The following KLF16 variants were observed in gnomAD, a reference collection of about 807,000 sequenced individuals.
The protein encoded by KLF16 is KLF transcription factor 16.
Under a neutral mutation model 6.1 loss-of-function variants are expected in KLF16, and 6 were observed. That is an observed-to-expected ratio of 0.98 (90% CI 0.54 to 1.93). The LOEUF is 1.93. Ranked by LOEUF, KLF16 falls within the 30% of genes most tolerant of loss-of-function variation. The probability of loss-of-function intolerance (pLI) is 0.01; values close to 1 mark genes in which losing one functional copy is unlikely to be tolerated. For missense variants in KLF16, 355 were observed against 363.8 expected (o/e 0.98, Z 0.20); for synonymous variants, 211 against 176.5 (o/e 1.20, Z -1.55).
Position 1,854,448 on chromosome 19 carries a change from G to T in KLF16, c.*11C>A. On this transcript the variant is annotated 3_prime_UTR_variant, in exon 2 of 2. Transcript: ENST00000250916. ...AGCATCCTGGCGGTCAGGGTGGGCT[G>T]CACGAGGGCCCTACAGGCCTGCGGG... 1 of 1,398,146 alleles carries T rather than the reference G, an allele frequency of 7.2e-7. No homozygotes were observed. 86.6% of individuals were successfully genotyped at this position (1,398,146 alleles called of 1,614,324 possible). A position where few individuals can be genotyped will look rare whatever the true frequency, so the allele number is the denominator to read the frequency against.
At chr19:1,873,858 C>T in the KLF16 span, among the ~76,000 whole-genome samples, 1 of 152,264 alleles carries the variant, frequency 6.6e-6, no homozygotes, top group Non-Finnish European at 1.5e-5. Context: ...CGGTTTACCC[C>T]ATGTGAGAGG....
Position 1,854,576 on chromosome 19 carries a change from CGGGTGGAAGCCG to C in KLF16, c.630_641del (p.Gly211_Pro214del), listed in dbSNP as rs1568731217. 6.3e-7 allele frequency: 1 copy of C among 1,587,324 alleles called. No homozygotes were observed. The highest frequency in any genetic ancestry group is 2.3e-5 in the East Asian group (1 of 43,982). On this transcript the variant is annotated inframe_deletion, in exon 2 of 2. Coordinates refer to ENST00000250916, the MANE Select transcript of KLF16 (RefSeq NM_031918.4). The stretch of plus-strand genomic sequence containing the variant: ...GGGCACCAGGGCGCCGGAGCAGGTC[CGGGTGGAAGCCG>C]GGGTGGCGGCGGGCGTGCTTGGCCA...
intron 1 of KLF16, among the ~76,000 whole-genome samples, chr19:1,861,103 G>A (rs1026162108): frequency 2.6e-5 from 4 of 152,028 alleles, no homozygotes; most frequent in Non-Finnish European, 4.4e-5. Flanking sequence ...GCAATCCCGG[G>A]ATAACAATAC....
the KLF16 span, among the ~76,000 whole-genome samples, chr19:1,869,095 G>A: frequency 4.0e-3 from 603 of 152,294 alleles, 4 homozygotes; most frequent in East Asian, 8.3e-3. Flanking sequence ...GATGGGGGCC[G>A]GGCCAGGAAA....
the KLF16 span, among the ~76,000 whole-genome samples, chr19:1,870,919 C>A: frequency 6.6e-6 from 1 of 152,220 alleles, no homozygotes; most frequent in Non-Finnish European, 1.5e-5. Flanking sequence ...TCACTTGAAC[C>A]CAGGAGGTGG....
chr19:1,868,157 GC>G (rs889130980), upstream of KLF16, among the ~76,000 whole-genome samples: 2 of 151,948 alleles, frequency 1.3e-5, no homozygotes, highest in Non-Finnish European at 2.9e-5. Context: ...TCATTTTTAG[GC>G]TTTTCTGTAT....
chr19:1,852,527 A>C lies in KLF16; in HGVS notation c.*1932T>G. On this transcript the variant is annotated 3_prime_UTR_variant, in exon 2 of 2. Coordinates refer to ENST00000250916, the MANE Select transcript of KLF16 (RefSeq NM_031918.4). ...GCCTCCCCTGCAAACGGCTGGAACC[A>C]GGTCCCAGTGATCAGCGACTCCTGG... 1 of 152,122 alleles carries C rather than the reference A, an allele frequency of 6.6e-6. No homozygotes were observed. Among genetic ancestry groups the C allele is most frequent in the East Asian group, 1.9e-4 (1 of 5,178 alleles). 9.4% of individuals were successfully genotyped at this position (152,122 alleles called of 1,614,324 possible). A position where few individuals can be genotyped will look rare whatever the true frequency, so the allele number is the denominator to read the frequency against.
the KLF16 span, among the ~76,000 whole-genome samples, chr19:1,871,011 G>A: frequency 1.3e-5 from 2 of 152,158 alleles, no homozygotes; most frequent in African/African-American, 4.8e-5. Flanking sequence ...AAAGAAAAAA[G>A]AAAGATCCGT....
Position 1,863,133 on chromosome 19 carries a change from G to A in KLF16, c.365C>T (p.Ala122Val). 3.0e-6 allele frequency: 4 copies of A among 1,337,556 alleles called. No homozygotes were observed. The highest frequency in any genetic ancestry group is 3.3e-5 in the South Asian group (2 of 61,430). The allele number at this position is 1,337,556 out of a possible 1,614,324, so 82.9% of individuals were successfully genotyped here. A position where few individuals can be genotyped will look rare whatever the true frequency, so the allele number is the denominator to read the frequency against. ...SGRAPGAAPS[A>V]AAKSHRCPFP... ...GGGACAGCGGTGGCTCTTGGCGGCG[G>A]CGGAGGGCGCGGCGCCGGGGGCGCG... is the stretch of plus-strand genomic sequence containing the variant. The change falls in exon 1 of 2, where the codon GCC becomes GTC. Residue 122 changes from alanine (A) to valine (V), a missense_variant. Ala to Val is a moderately conservative substitution (Grantham distance 64, BLOSUM62 0). Coordinates refer to ENST00000250916, the MANE Select transcript of KLF16 (RefSeq NM_031918.4).
intron 1 of KLF16, among the ~76,000 whole-genome samples, chr19:1,856,963 G>GGGGGGGGGGGGGGGC (rs1466347651): frequency 8.5e-6 from 1 of 117,392 alleles, no homozygotes; most frequent in Non-Finnish European, 1.7e-5. Flanking sequence ...GGTGGGGGGG[G>GGGGGGGGGGGGGGGC]CGACCGGGGC....
At position 1,863,075 on chromosome 19, in the gene KLF16, G is replaced by A. The variant is rs747019895; in HGVS notation, c.423C>T (p.Ser141=). Reference sequence around the variant, plus strand: ...TCCGCAGGTGCGACTTTAGGTGCGAGGACTTGTAGTAGGCTTTGGCGCAGT... The same window carrying A: ...TCCGCAGGTGCGACTTTAGGTGCGAAGACTTGTAGTAGGCTTTGGCGCAGT... ...FPDCAKAYYK[S]SHLKSHLRTH... Residue 141 remains serine, a synonymous_variant, in exon 1 of 2, where the codon TCC becomes TCT. Transcript: ENST00000250916. 5.6e-6 allele frequency: 8 copies of A among 1,416,856 alleles called. No individual in the cohort carries two copies. Among genetic ancestry groups the A allele is most frequent in the East Asian group, 3.3e-5 (1 of 30,328 alleles). The allele number at this position is 1,416,856 out of a possible 1,614,324, so 87.8% of individuals were successfully genotyped here.
rs568069817 is a variant in KLF16 at position 1,853,133 on chromosome 19, G to A, written c.*1326C>T. On this transcript the variant is annotated 3_prime_UTR_variant, in exon 2 of 2. Transcript: ENST00000250916. ...CAACCCAGGCCACAGCAGGACGACC[G>A]CTGACAAGGACACAAAGGTGGCCCC... 227 of 150,750 alleles carry A rather than the reference G, an allele frequency of 1.5e-3. No individual in the cohort carries two copies. Among genetic ancestry groups the A allele is most frequent in the Non-Finnish European group, 2.9e-3 (200 of 67,898 alleles). 9.3% of individuals were successfully genotyped at this position (150,750 alleles called of 1,614,324 possible). A position where few individuals can be genotyped will look rare whatever the true frequency, so the allele number is the denominator to read the frequency against.
In KLF16 at chr19:1,853,004, T is replaced by G. The variant is rs964365756; in HGVS notation, c.*1455A>C. On this transcript the variant is annotated 3_prime_UTR_variant, in exon 2 of 2. Transcript: ENST00000250916. ...ACAAAAGGGGGTACCAAAAACCTCC[T>G]GCAGCCAACAGTGGGGGGATCCACC... 1.3e-5 allele frequency: 2 copies of G among 152,240 alleles called. No homozygotes were observed. Among genetic ancestry groups the G allele is most frequent in the Non-Finnish European group, 2.9e-5 (2 of 68,122 alleles). The allele number at this position is 152,240 out of a possible 1,614,324, so 9.4% of individuals were successfully genotyped here.
intron 1 of KLF16, among the ~76,000 whole-genome samples, chr19:1,862,577 C>T (rs1303543895): frequency 6.6e-6 from 1 of 152,088 alleles, no homozygotes; most frequent in African/African-American, 2.4e-5. Flanking sequence ...AGAATCCGCG[C>T]GGCCACCCCG....
rs373884875 is a variant in KLF16, at chr19:1,854,642, G to A, written c.576C>T (p.Cys192=). The change falls in exon 2 of 2, where the codon TGC becomes TGT. Residue 192 remains cysteine, a synonymous_variant. Coordinates refer to ENST00000250916, the MANE Select transcript of KLF16 (RefSeq NM_031918.4). The part of the protein sequence containing the change: ...TGEKRFSCPL[C]SKRFTRSDHL... ...GGTCACTGCGGGTGAAGCGCTTGGAGCACAGAGGGCAGGAGAAGCGCTTCT... is the reference window on the plus strand; with the variant it reads ...GGTCACTGCGGGTGAAGCGCTTGGAACACAGAGGGCAGGAGAAGCGCTTCT... 7.5e-6 allele frequency: 12 copies of A among 1,599,506 alleles called. No homozygotes were observed. Among genetic ancestry groups the A allele is most frequent in the East Asian group, 2.2e-5 (1 of 44,860 alleles).
chr19:1,867,963 C>T (rs796949038), upstream of KLF16, among the ~76,000 whole-genome samples: 105 of 130,216 alleles, frequency 8.1e-4, no homozygotes, highest in African/African-American at 2.9e-3. Context: ...TGTGTGTGTG[C>T]GTGCGCGCAT....
chr19:1,865,957 A>C (rs531576962), upstream of KLF16, among the ~76,000 whole-genome samples: 91 of 152,328 alleles, frequency 6.0e-4, no homozygotes, highest in Non-Finnish European at 1.1e-3. Flanking sequence ...TGAAGCTATC[A>C]GTTCAAGACC....
At chr19:1,870,166 A>G in the KLF16 span, among the ~76,000 whole-genome samples, 2 of 150,838 alleles carry the variant, frequency 1.3e-5, no homozygotes, top group Non-Finnish European at 1.5e-5. Context: ...TGCTGACCTC[A>G]TGATCTGCCC....
chr19:1,874,102 C>T, the KLF16 span, among the ~76,000 whole-genome samples: 3 of 152,152 alleles, frequency 2.0e-5, no homozygotes, highest in Non-Finnish European at 4.4e-5. Context: ...CAGATGAAGT[C>T]GTCAACTATT....
Sources: gnomAD v4.1 joint callset for allele counts (sites outside exome capture counted in the v4.1 genomes callset) on GRCh38, gnomAD v4.1.1 for gene constraint, MANE v1.5 for transcripts, NCBI Gene and HGNC (gene_info 2026-07-23, HGNC 2026-07-21) for gene names.